Variants in LINGO1 observed in about 807,000 individuals in gnomAD.
LINGO1 encodes the protein leucine-rich repeat and immunoglobulin-like domain-containing nogo receptor-interacting protein 1.
A neutral mutation model predicts 37.3 loss-of-function variants in LINGO1; 11 were observed. The ratio of observed to expected loss-of-function variants is 0.29; its 90% CI spans 0.19 to 0.49. LINGO1 has a LOEUF of 0.49. LINGO1 is among the 20% of genes least tolerant of loss of function. LINGO1 has a pLI of 0.99. For synonymous variants in LINGO1, 387 were observed against 403.0 expected (o/e 0.96, Z 0.48); for missense variants, 585 against 878.2 (o/e 0.67, Z 4.22).
chr15:77,765,562 C>T (rs1192628683), intron 1 of LINGO1, among the ~76,000 whole-genome samples: 2 of 152,148 alleles, frequency 1.3e-5, no homozygotes, highest in African/African-American at 2.4e-5. Context: ...GAGAAGCAGA[C>T]AGACCCCAAG....
At chr15:77,690,372 G>GC (rs1000128113) in intron 2 of LINGO1, among the ~76,000 whole-genome samples, 2 of 152,174 alleles carry the variant, frequency 1.3e-5, no homozygotes, top group African/African-American at 4.8e-5. Context: ...AGAAACTGCT[G>GC]CCAGGCATCT....
intron 3 of LINGO1, among the ~76,000 whole-genome samples, chr15:77,655,653 C>G (rs963658828): frequency 6.6e-6 from 1 of 152,224 alleles, no homozygotes; most frequent in Non-Finnish European, 1.5e-5. Flanking sequence ...ACCACCATAC[C>G]CATCTTACAG....
chr15:77,637,782 C>T (rs1483582960), upstream of LINGO1, among the ~76,000 whole-genome samples: 1 of 152,200 alleles, frequency 6.6e-6, no homozygotes, highest in Admixed American at 6.5e-5. This position sits in a 1 kb window ranked among gnomAD's most constrained non-coding sequence, Gnocchi z 4.6. Flanking sequence ...ATCAGGAACA[C>T]CCTGAGGGCT....
At chr15:77,810,341 C>A (rs1425835487) in intron 1 of LINGO1, among the ~76,000 whole-genome samples, 1 of 139,804 alleles carries the variant, frequency 7.2e-6, no homozygotes, top group Non-Finnish European at 1.6e-5. Context: ...CACACACACA[C>A]ACATGCACAC....
upstream of LINGO1, among the ~76,000 whole-genome samples, chr15:77,787,646 C>T (rs1271860171): frequency 3.9e-5 from 6 of 152,098 alleles, no homozygotes; most frequent in Non-Finnish European, 5.9e-5. Flanking sequence ...AGCGGAAAAG[C>T]GTTCCACTCC....
At position 77,715,215 on chromosome 15, in the gene LINGO1, A is replaced by C. The variant is rs145823692; in HGVS notation, c.-195+19777T>G. The stretch of plus-strand genomic sequence containing the variant: ...TACTCTCCACCCCTTTCACACATCC[A>C]TGGGGCGCTAGGAGGAAATGGGGCA... On this transcript the variant is annotated intron_variant, in intron 2 of 3. Coordinates refer to the LINGO1 transcript ENST00000561686. 2.2e-3 allele frequency among the ~76,000 whole-genome samples: 336 copies of C among 152,216 alleles called. 1 individual carries two copies. Among genetic ancestry groups the C allele is most frequent in the African/African-American group, 7.8e-3 (326 of 41,536 alleles).
chr15:77,668,686 C>G (rs2075186539), intron 3 of LINGO1, among the ~76,000 whole-genome samples: 1 of 152,068 alleles, frequency 6.6e-6, no homozygotes, highest in Non-Finnish European at 1.5e-5. Context: ...CACACACACA[C>G]AGAAGCACAG....
At chr15:77,635,184 T>TG (rs111924087), upstream of LINGO1, among the ~76,000 whole-genome samples, 551 of 152,302 alleles carry the variant, frequency 3.6e-3, 1 homozygote, top group African/African-American at 0.012. Flanking sequence ...AAGAGCCCCT[T>TG]GGCCTCGGTT....
chr15:77,762,204 A>G (rs1485287923), intron 1 of LINGO1, among the ~76,000 whole-genome samples: 2 of 152,214 alleles, frequency 1.3e-5, no homozygotes, highest in Non-Finnish European at 2.9e-5. Flanking sequence ...AGGCGTGGGT[A>G]GAAACTGTGG....
chr15:77,662,320 G>A (rs912194752), intron 3 of LINGO1, among the ~76,000 whole-genome samples: 2 of 152,188 alleles, frequency 1.3e-5, no homozygotes, highest in Non-Finnish European at 2.9e-5. Context: ...TTACAGCTTG[G>A]CCTGGCTGTG....
chr15:77,700,906 G>A (rs1424389075), upstream of LINGO1, among the ~76,000 whole-genome samples: 1 of 152,168 alleles, frequency 6.6e-6, no homozygotes, highest in East Asian at 1.9e-4. Context: ...CTCACCCACG[G>A]ACCAGGCTTC....
rs541644618 is a variant in LINGO1, at chr15:77,794,733, G to A, written c.-343+1206C>T. On this transcript the variant is annotated intron_variant, in intron 2 of 5. Transcript: ENST00000562933. ...CTCCCGAGTAGCTGGGACTACAGGCGCCCGCCACCACGCCCTGCTAATTTT... is the reference window on the plus strand; with the variant it reads ...CTCCCGAGTAGCTGGGACTACAGGCACCCGCCACCACGCCCTGCTAATTTT... 2.8e-3 allele frequency among the ~76,000 whole-genome samples: 430 copies of A among 151,382 alleles called. 5 individuals carry two copies. The highest frequency in any genetic ancestry group is 3.7e-3 in the Non-Finnish European group (250 of 67,820).
At chr15:77,767,091 A>T (rs2076537488) in intron 1 of LINGO1, among the ~76,000 whole-genome samples, 1 of 152,218 alleles carries the variant, frequency 6.6e-6, no homozygotes, top group Non-Finnish European at 1.5e-5. Context: ...GCAATTCAAA[A>T]ACTTTTCCAG....
chr15:77,717,361 G>A (rs917771347), intron 2 of LINGO1, among the ~76,000 whole-genome samples: 2 of 150,796 alleles, frequency 1.3e-5, no homozygotes, highest in African/African-American at 4.8e-5. Flanking sequence ...GGCGGGCAGA[G>A]GTGGGGGTGG....
At chr15:77,645,735 A>G (rs1203325930) in intron 3 of LINGO1, among the ~76,000 whole-genome samples, 1 of 152,224 alleles carries the variant, frequency 6.6e-6, no homozygotes, top group Non-Finnish European at 1.5e-5. Context: ...CCCGCTTTAG[A>G]AGAGCTGGTG....
chr15:77,690,515 T>C (rs2075585409), intron 2 of LINGO1, among the ~76,000 whole-genome samples: 1 of 152,252 alleles, frequency 6.6e-6, no homozygotes, highest in South Asian at 2.1e-4. Flanking sequence ...GAAGCCCATC[T>C]TACCACTAAA....
intron 1 of LINGO1, among the ~76,000 whole-genome samples, chr15:77,767,336 C>T (rs779662910): frequency 9.9e-5 from 15 of 152,122 alleles, no homozygotes; most frequent in African/African-American, 2.7e-4. Flanking sequence ...GATCTCCATT[C>T]GGAATTCTAC....
chr15:77,756,362 C>T (rs1432485522), intron 1 of LINGO1, among the ~76,000 whole-genome samples: 1 of 152,174 alleles, frequency 6.6e-6, no homozygotes, highest in African/African-American at 2.4e-5. Flanking sequence ...TGTCCACACA[C>T]AGAGGAATGA....
chr15:77,789,152 T>G (rs1309166981), upstream of LINGO1, among the ~76,000 whole-genome samples: 1 of 152,230 alleles, frequency 6.6e-6, no homozygotes, highest in Non-Finnish European at 1.5e-5. Context: ...GGGATTGAAT[T>G]GTGTGCCTCC....
Sources: allele counts gnomAD v4.1 joint callset (sites outside exome capture counted in the v4.1 genomes callset), GRCh38; gene constraint gnomAD v4.1.1; non-coding constraint Gnocchi (gnomAD v3.1); transcripts MANE v1.5; gene names NCBI Gene and HGNC (gene_info 2026-07-23, HGNC 2026-07-21).